The following LSG1 variants were observed in gnomAD, a reference collection of about 807,000 sequenced individuals.
LSG1 encodes the protein large subunit GTPase 1 homolog.
In LSG1, 55 loss-of-function variants were observed where a neutral mutation model predicts 82.6. That is an observed-to-expected ratio of 0.67 (90% confidence interval 0.54 to 0.83). The LOEUF (loss-of-function observed/expected upper bound fraction) is 0.83, where lower values mean the gene tolerates loss of function less well. Among genes scored for constraint, LSG1 ranks in the 40% least tolerant of loss-of-function variants. LSG1 has a pLI of 0.00. For missense variants in LSG1, 809 were observed against 807.9 expected (o/e 1.00, Z -0.02); for synonymous variants, 272 against 282.5 (o/e 0.96, Z 0.37).
chr3:194,649,216 C>T (rs1718620872), intron 10 of LSG1, among the ~76,000 whole-genome samples: 1 of 152,104 alleles, frequency 6.6e-6, no homozygotes, highest in Non-Finnish European at 1.5e-5. Context: ...TTTCCTTAAG[C>T]CACTAACAAT....
At chr3:194,644,394 ATAAATAAAT>A (rs1560218852) in intron 13 of LSG1, among the ~76,000 whole-genome samples, 170 bp downstream of exon 13, 64 of 129,678 alleles carry the variant, frequency 4.9e-4, no homozygotes, top group East Asian at 2.4e-3. Context: ...AAATAAATAA[ATAAATAAAT>A]AAATAAATAA....
chr3:194,645,429 T>G (rs1474543307), intron 12 of LSG1: 1 of 151,866 alleles, frequency 6.6e-6, no homozygotes, highest in Non-Finnish European at 1.5e-5. Flanking sequence ...TGCTTATTTG[T>G]GGAAAGAAAC....
intron 10 of LSG1, among the ~76,000 whole-genome samples, chr3:194,650,131 G>C (rs1296328099): frequency 6.6e-6 from 1 of 152,138 alleles, no homozygotes; most frequent in African/African-American, 2.4e-5. Context: ...TGTTGGCCAG[G>C]CTGGTCTCAA....
Position 194,644,726 on chromosome 3 carries a change from A to G in LSG1, c.1644T>C (p.His548=), listed in dbSNP as rs1162657197. The change falls in exon 13 of 14, where the codon CAT becomes CAC. Residue 548 remains histidine (H), a synonymous_variant. Transcript: ENST00000265245. ...DYVSGKLLYC[H]PPPGRDPVTF... is the part of the protein sequence containing the mutation. ...TTACAGGATCTCTTCCAGGAGGAGG[A>G]TGGCAGTACAGCAGCTTACCCTACA... The G allele has an allele frequency of 3.7e-6, 6 of 1,606,404 alleles. No homozygotes were observed. The highest frequency in any genetic ancestry group is 5.1e-6 in the Non-Finnish European group (6 of 1,175,894).
At chr3:194,671,002 A>T (rs1240832025) in intron 1 of LSG1, among the ~76,000 whole-genome samples, 3 of 152,166 alleles carry the variant, frequency 2.0e-5, no homozygotes, top group Admixed American at 1.3e-4. Context: ...CAGGGGGATT[A>T]TTTGTGCCCA....
intron 12 of LSG1, 144 bp downstream of exon 12, chr3:194,646,020 G>T: frequency 1.3e-6 from 1 of 746,046 alleles, no homozygotes; most frequent in Non-Finnish European, 2.3e-6. Context: ...TCCATATAAT[G>T]TTAACTACCC....
chr3:194,647,258 T>C (rs1000021025), intron 11 of LSG1, among the ~76,000 whole-genome samples: 2 of 152,052 alleles, frequency 1.3e-5, no homozygotes, highest in Non-Finnish European at 2.9e-5. Flanking sequence ...AAAGGAAAAA[T>C]ATAGTCTATT....
Position 194,644,591 on chromosome 3 carries a change from G to T in LSG1, c.1779C>A (p.Asp593Glu). ...KKAKQIENIVDKTFFHQENVR... is the reference protein window; with the variant it reads ...KKAKQIENIVEKTFFHQENVR... ...AACTTACTTGATGGAAAAAAGTTTT[G>T]TCAACGATATTTTCAATCTGCTTTG... Residue 593 changes from aspartate to glutamate, a missense_variant, in exon 13 of 14, where the codon GAC (aspartate) becomes GAA (glutamate). Transcript: ENST00000265245. 6.2e-7 allele frequency: 1 copy of T among 1,610,430 alleles called. No individual in the cohort carries two copies. The highest frequency in any genetic ancestry group is 8.5e-7 in the Non-Finnish European group (1 of 1,178,998).
intron 13 of LSG1, among the ~76,000 whole-genome samples, chr3:194,643,940 C>T (rs1370383809): frequency 1.3e-5 from 2 of 152,154 alleles, no homozygotes; most frequent in African/African-American, 4.8e-5. Flanking sequence ...TGAAAGAAGC[C>T]TGTCACGAAG....
intron 5 of LSG1, among the ~76,000 whole-genome samples, chr3:194,665,016 C>A (rs1277618266): frequency 1.3e-5 from 2 of 152,240 alleles, no homozygotes; most frequent in African/African-American, 4.8e-5. Flanking sequence ...TGCTATGACT[C>A]AGCCCACTGC....
In LSG1 at chr3:194,660,120, G is replaced by C; in HGVS notation, c.535C>G (p.Gln179Glu). The C allele has an allele frequency of 1.2e-6, 2 of 1,613,778 alleles. No individual in the cohort carries two copies. Among genetic ancestry groups the C allele is most frequent in the Non-Finnish European group, 8.5e-7 (1 of 1,179,846 alleles). The change falls in exon 6 of 14, where the codon CAG (glutamine) becomes GAG (glutamate). Residue 179 changes from glutamine to glutamate, a missense_variant. By Grantham distance (29) the Gln-to-Glu change is conservative. Coordinates refer to ENST00000265245, the MANE Select transcript of LSG1 (RefSeq NM_018385.3). ...AGTGGGTTTCGAGCATCTACTATCT[G>C]GACCACAATATCACTGAAAAACAAA... ...RVIERSDIVV[Q>E]IVDARNPLLF...
At chr3:194,671,970 T>C in intron 1 of LSG1, 94 bp downstream of exon 1, 1 of 1,136,430 alleles carries the variant, frequency 8.8e-7, no homozygotes. Flanking sequence ...GGCTGAGGCG[T>C]CCCTCCTGCA....
At chr3:194,645,571 G>GACACACACACACACACACACACAC (rs1560219817) in intron 12 of LSG1, among the ~76,000 whole-genome samples, 1 of 41,324 alleles carries the variant, frequency 2.4e-5, no homozygotes, top group African/African-American at 1.9e-4. Context: ...CACACACACA[G>GACACACACACACACACACACACAC]ACAGACACAC....
At chr3:194,668,767 G>A (rs912476966) in intron 2 of LSG1, among the ~76,000 whole-genome samples, 5 of 152,094 alleles carry the variant, frequency 3.3e-5, no homozygotes, top group East Asian at 1.9e-4. Context: ...TCCCTGCAGC[G>A]CTATTCACAA....
chr3:194,644,094 G>A (rs1377201509), intron 13 of LSG1, among the ~76,000 whole-genome samples: 3 of 152,122 alleles, frequency 2.0e-5, no homozygotes, highest in Non-Finnish European at 1.5e-5. Context: ...CGGGCGCGGT[G>A]GCTCACGCCT....
chr3:194,669,416 G>A (rs1364163427), intron 2 of LSG1, among the ~76,000 whole-genome samples: 1 of 152,156 alleles, frequency 6.6e-6, no homozygotes, highest in Non-Finnish European at 1.5e-5. Context: ...TTGTACACGT[G>A]CTTAAAGCCC....
intron 11 of LSG1, 128 bp from the exon 12 acceptor site, chr3:194,646,371 A>G: frequency 3.0e-6 from 2 of 657,022 alleles, no homozygotes; most frequent in East Asian, 2.7e-5. Context: ...GTATCATTGT[A>G]GAATATATAT....
At chr3:194,670,747 T>C (rs1719126275) in intron 1 of LSG1, among the ~76,000 whole-genome samples, 1 of 152,162 alleles carries the variant, frequency 6.6e-6, no homozygotes, top group Non-Finnish European at 1.5e-5. Context: ...CAGAGTTTGA[T>C]AACCATCACC....
intron 8 of LSG1, among the ~76,000 whole-genome samples, chr3:194,651,942 A>G (rs778211155): frequency 4.6e-5 from 7 of 152,188 alleles, no homozygotes; most frequent in Non-Finnish European, 1.0e-4. Context: ...ATAAGATGCT[A>G]ATCTACTGTA....
Sources: allele counts gnomAD v4.1 joint callset (sites outside exome capture counted in the v4.1 genomes callset), GRCh38; gene constraint gnomAD v4.1.1; transcripts MANE v1.5; gene names NCBI Gene and HGNC (gene_info 2026-07-23, HGNC 2026-07-21).